The following NXN variants were observed in gnomAD, a reference collection of about 807,000 sequenced individuals.
The protein encoded by NXN is nucleoredoxin 1.
A neutral mutation model predicts 48.6 loss-of-function variants in NXN; 16 were observed. That is an observed-to-expected ratio of 0.33 (90% CI 0.22 to 0.50). The LOEUF (loss-of-function observed/expected upper bound fraction) is 0.50. NXN is among the 20% of genes least tolerant of loss of function. NXN has a pLI of 0.98. For synonymous variants in NXN, 281 were observed against 269.6 expected (o/e 1.04, Z -0.41); for missense variants, 492 against 605.5 (o/e 0.81, Z 1.97).
intron 1 of NXN, among the ~76,000 whole-genome samples, chr17:848,407 T>C (rs1223086623): frequency 6.6e-6 from 1 of 152,194 alleles, no homozygotes; most frequent in Admixed American, 6.5e-5. Context: ...TCCCAAAGTG[T>C]TGGGATTACA....
chr17:970,991 GGCTGGAGTACAGTGGT>G (rs1185320408), intron 1 of NXN, among the ~76,000 whole-genome samples: 1 of 145,366 alleles, frequency 6.9e-6, no homozygotes, highest in Non-Finnish European at 1.5e-5. Context: ...TTATTCCCCA[GGCTGGAGTACAGTGGT>G]GCGATCTCGG....
chr17:822,357 C>A lies in NXN; in HGVS notation c.713G>T (p.Arg238Met). ...NFEIIFVSAD[R>M]SEESFKQYFS... The stretch of plus-strand genomic sequence containing the variant: ...CCCAGCACTTCACGGCACGACTGAC[C>A]TGTCTGCACTAACGAAGATGATCTC... The change falls in exon 4 of 8, where the codon AGG becomes ATG. Residue 238 changes from arginine (R) to methionine (M), a missense_variant and splice_region_variant. By Grantham distance (91) the Arg-to-Met change is moderately conservative. This residue lies in a region of NXN where 303 missense variants were observed against 388.3 expected (regional missense o/e 0.78). Coordinates refer to ENST00000336868, the MANE Select transcript of NXN (RefSeq NM_022463.5). 1 of 1,610,948 alleles carries A rather than the reference C, an allele frequency of 6.2e-7. No homozygotes were observed. Among genetic ancestry groups the A allele is most frequent in the Non-Finnish European group, 8.5e-7 (1 of 1,177,214 alleles).
intron 1 of NXN, among the ~76,000 whole-genome samples, chr17:963,193 A>T (rs1308721321): frequency 6.7e-6 from 1 of 148,184 alleles, no homozygotes; most frequent in Non-Finnish European, 1.5e-5. Context: ...AAAAAAAAAA[A>T]AAGGTATAGG....
chr17:878,624 T>C (rs1250225874), intron 1 of NXN, among the ~76,000 whole-genome samples: 1 of 152,068 alleles, frequency 6.6e-6, no homozygotes, highest in East Asian at 1.9e-4. Context: ...CAACTGGTAC[T>C]GTAGCCAGGT....
chr17:943,201 G>A (rs537259066), intron 1 of NXN, among the ~76,000 whole-genome samples: 2 of 152,130 alleles, frequency 1.3e-5, no homozygotes, highest in Admixed American at 6.5e-5. Flanking sequence ...TCTCTCTCTC[G>A]ACTAAAATGT....
At chr17:872,345 G>C (rs2068164761) in intron 1 of NXN, among the ~76,000 whole-genome samples, 2 of 151,590 alleles carry the variant, frequency 1.3e-5, no homozygotes, top group South Asian at 2.1e-4. Context: ...GACAAGGAGA[G>C]AGACAGAGGA....
intron 1 of NXN, among the ~76,000 whole-genome samples, chr17:843,439 C>A (rs2067823222): frequency 6.6e-6 from 1 of 152,244 alleles, no homozygotes. Flanking sequence ...TTCCCCCATG[C>A]TGCAGCTCTC....
chr17:913,249 G>A (rs1282948702), intron 1 of NXN, among the ~76,000 whole-genome samples: 1 of 152,044 alleles, frequency 6.6e-6, no homozygotes, highest in African/African-American at 2.4e-5. Flanking sequence ...GTAAAATCTG[G>A]AAAAGCCAAC....
At chr17:911,495 T>C (rs2068636219) in intron 1 of NXN, among the ~76,000 whole-genome samples, 1 of 151,620 alleles carries the variant, frequency 6.6e-6, no homozygotes, top group Non-Finnish European at 1.5e-5. Context: ...GCCCGGCTAA[T>C]TTTTTTTGTA....
chr17:935,825 A>G (rs1472436371), intron 1 of NXN, among the ~76,000 whole-genome samples: 1 of 151,948 alleles, frequency 6.6e-6, no homozygotes, highest in Non-Finnish European at 1.5e-5. Flanking sequence ...GGGCGCAGTG[A>G]CTCACGCCTA....
chr17:809,926 C>CGTGTGAGTGGCGTGTACGTTACGAGTCT (rs1228438657), intron 5 of NXN, among the ~76,000 whole-genome samples: 1 of 119,264 alleles, frequency 8.4e-6, no homozygotes, highest in Non-Finnish European at 1.8e-5. Context: ...GTTAAGAGTC[C>CGTGTGAGTGGCGTGTACGTTACGAGTCT]GTGTGAGTGG....
At chr17:911,922 G>T (rs780260367) in intron 1 of NXN, among the ~76,000 whole-genome samples, 1 of 150,414 alleles carries the variant, frequency 6.6e-6, no homozygotes, top group African/African-American at 2.4e-5. Context: ...ACTTCCAGAC[G>T]ATATTCATGC....
At chr17:900,190 G>A (rs987355339) in intron 1 of NXN, among the ~76,000 whole-genome samples, 1 of 144,120 alleles carries the variant, frequency 6.9e-6, no homozygotes, top group Admixed American at 6.9e-5. Context: ...GCTTGAACCC[G>A]GGGGGGCAGA....
chr17:868,010 C>A (rs908756057), intron 1 of NXN, among the ~76,000 whole-genome samples: 1 of 152,138 alleles, frequency 6.6e-6, no homozygotes, highest in African/African-American at 2.4e-5. Flanking sequence ...TTCAGAGTGA[C>A]AGGAGCATGA....
At chr17:817,577 G>A (rs748801894) in intron 5 of NXN, among the ~76,000 whole-genome samples, 10 of 151,766 alleles carry the variant, frequency 6.6e-5, no homozygotes, top group Non-Finnish European at 1.5e-4. Flanking sequence ...GCTGAGGCAG[G>A]AGAATGGCGT....
chr17:926,443 T>A (rs1431149111), intron 1 of NXN, among the ~76,000 whole-genome samples: 3 of 151,740 alleles, frequency 2.0e-5, no homozygotes, highest in Non-Finnish European at 4.4e-5. Context: ...CGCCTCAGCC[T>A]CCCAATGCTA....
intron 1 of NXN, among the ~76,000 whole-genome samples, chr17:934,311 T>C (rs994531923): frequency 6.6e-6 from 1 of 151,742 alleles, no homozygotes; most frequent in South Asian, 2.1e-4. Flanking sequence ...CCGGGCGTGG[T>C]GGCGGGCACC....
chr17:967,411 A>T (rs2069319647), intron 1 of NXN, among the ~76,000 whole-genome samples: 1 of 152,200 alleles, frequency 6.6e-6, no homozygotes, highest in South Asian at 2.1e-4. Flanking sequence ...CCAGGACGGC[A>T]TCTGTGCCAC....
intron 1 of NXN, among the ~76,000 whole-genome samples, chr17:925,108 T>C (rs1425284516): frequency 6.6e-6 from 1 of 152,226 alleles, no homozygotes; most frequent in African/African-American, 2.4e-5. Context: ...CAGGTTTGAC[T>C]GTCTCAGGCT....
Sources: allele counts gnomAD v4.1 joint callset (sites outside exome capture counted in the v4.1 genomes callset), GRCh38; gene constraint gnomAD v4.1.1; regional missense constraint gnomAD v4.1.1; transcripts MANE v1.5; gene names NCBI Gene and HGNC (gene_info 2026-07-23, HGNC 2026-07-21).